Variants in ULK2 observed in about 807,000 individuals in gnomAD.
The protein encoded by ULK2 is serine/threonine-protein kinase ULK2.
In ULK2, 76 loss-of-function variants were observed where a neutral mutation model predicts 127.5. The ratio of observed to expected loss-of-function variants is 0.60; its 90% CI spans 0.50 to 0.72. The LOEUF (loss-of-function observed/expected upper bound fraction) is 0.72, where lower values mean the gene tolerates loss of function less well. Ranked by LOEUF, ULK2 falls within the 30% of genes least tolerant of loss-of-function variation. The probability of loss-of-function intolerance (pLI) is 0.00; values close to 1 mark genes in which losing one functional copy is unlikely to be tolerated. For synonymous variants in ULK2, 452 were observed against 461.9 expected (o/e 0.98, Z 0.28); for missense variants, 1,144 against 1,295.9 (o/e 0.88, Z 1.80).
chr17:19,781,267 A>T, intron 23 of ULK2, among the ~76,000 whole-genome samples, 163 bp from the exon 24 acceptor site: 1 of 131,792 alleles, frequency 7.6e-6, no homozygotes. Context: ...TTTTTGACAG[A>T]GTCTTGCTCT....
Position 19,804,439 on chromosome 17 carries a change from T to A in ULK2, c.1295+254A>T, listed in dbSNP as rs573937040. On this transcript the variant is annotated intron_variant, in intron 15 of 26. Transcript: ENST00000395544. ...AAAGTAATTATACATTTTAAGTATATATGTCTATACACATGTATACTTAAC... is the reference window on the plus strand; with the variant it reads ...AAAGTAATTATACATTTTAAGTATAAATGTCTATACACATGTATACTTAAC... Among the ~76,000 whole-genome samples the A allele has an allele frequency of 1.1e-4, 17 of 151,946 alleles. 1 individual carries two copies. Among genetic ancestry groups the A allele is most frequent in the Admixed American group, 1.1e-3 (17 of 15,248 alleles).
intron 3 of ULK2, among the ~76,000 whole-genome samples, chr17:19,855,499 C>T (rs556968222): frequency 6.7e-6 from 1 of 148,984 alleles, no homozygotes; most frequent in Non-Finnish European, 1.5e-5. Flanking sequence ...ACTGGGTAAG[C>T]TAAGGCAGGA....
intron 3 of ULK2, 35 bp downstream of exon 3, chr17:19,864,768 T>A (rs533634383): frequency 8.4e-4 from 858 of 1,016,982 alleles, no homozygotes; most frequent in Non-Finnish European, 9.9e-4. Context: ...AAAAAAAATT[T>A]ATTTTAATTT....
rs2086793694 is a variant in ULK2 at position 19,775,230 on chromosome 17, C to T, written c.*1119G>A. ...AACTGCCTGCATTCTCCATGACTAG[C>T]TATTTGGTGAACTGTCAGAATTAAC... On this transcript the variant is annotated 3_prime_UTR_variant, in exon 27 of 27. Transcript: ENST00000395544. 1 of 152,626 alleles carries T rather than the reference C, an allele frequency of 6.6e-6. No homozygotes were observed. Among genetic ancestry groups the T allele is most frequent in the Non-Finnish European group, 1.5e-5 (1 of 68,046 alleles). 9.5% of individuals were successfully genotyped at this position (152,626 alleles called of 1,614,324 possible). A position where few individuals can be genotyped will look rare whatever the true frequency, so the allele number is the denominator to read the frequency against.
chr17:19,784,114 G>C, intron 21 of ULK2: 1 of 400,486 alleles, frequency 2.5e-6, no homozygotes. Context: ...TTTTATATTA[G>C]ACATCATCAG....
At chr17:19,800,172 G>A (rs2087366938) in intron 16 of ULK2, among the ~76,000 whole-genome samples, 1 of 152,142 alleles carries the variant, frequency 6.6e-6, no homozygotes. Flanking sequence ...CCAGGTGTTG[G>A]ACCTATGTCT....
At chr17:19,817,519 T>C (rs1276962267) in intron 12 of ULK2, among the ~76,000 whole-genome samples, 1 of 152,192 alleles carries the variant, frequency 6.6e-6, no homozygotes. Flanking sequence ...GGGGTAGTAG[T>C]TGATTTGTTA....
chr17:19,804,882 TCTTTC>T, intron 14 of ULK2, 52 bp from the exon 15 acceptor site: 2 of 1,592,434 alleles, frequency 1.3e-6, no homozygotes, highest in Non-Finnish European at 1.7e-6. Context: ...GGATTGTTTT[TCTTTC>T]ATTTGACCCA....
intron 9 of ULK2, chr17:19,840,063 G>A (rs566638630): frequency 3.0e-6 from 1 of 328,926 alleles, no homozygotes; most frequent in South Asian, 2.6e-5. Context: ...GTACATCTAT[G>A]GGACTCTCTG....
intron 12 of ULK2, among the ~76,000 whole-genome samples, chr17:19,821,034 A>T (rs2041129292): frequency 6.6e-6 from 1 of 152,150 alleles, no homozygotes; most frequent in East Asian, 1.9e-4. Flanking sequence ...AGGCCAGGCG[A>T]GGAGGCTCAC....
chr17:19,838,637 A>AT, intron 9 of ULK2, 54 bp from the exon 10 acceptor site: 1 of 1,481,210 alleles, frequency 6.8e-7, no homozygotes. Context: ...ATACATAAAC[A>AT]TTAACTTTTG....
intron 3 of ULK2, among the ~76,000 whole-genome samples, chr17:19,856,816 A>T (rs9910229): frequency 4.0e-5 from 6 of 150,742 alleles, no homozygotes; most frequent in African/African-American, 1.5e-4. Context: ...ACTAAAAAAT[A>T]CAAAAACAAA....
At chr17:19,804,210 C>T (rs1304751254) in intron 15 of ULK2, among the ~76,000 whole-genome samples, 1 of 148,032 alleles carries the variant, frequency 6.8e-6, no homozygotes, top group Admixed American at 6.9e-5. Context: ...TAGTGAGACC[C>T]CGTCTCTAAA....
At chr17:19,788,315 C>A (rs2087079045) in intron 20 of ULK2, among the ~76,000 whole-genome samples, 2 of 151,676 alleles carry the variant, frequency 1.3e-5, no homozygotes. Context: ...CTCCTTCCTT[C>A]TGCTTGAGGA....
chr17:19,860,262 G>A (rs1567731064), intron 3 of ULK2, among the ~76,000 whole-genome samples: 1 of 152,092 alleles, frequency 6.6e-6, no homozygotes, highest in African/African-American at 2.4e-5. Flanking sequence ...GAATTAGTGG[G>A]AAAATGCATT....
chr17:19,867,076 A>G (rs1423799448), intron 1 of ULK2, among the ~76,000 whole-genome samples: 2 of 152,138 alleles, frequency 1.3e-5, no homozygotes, highest in African/African-American at 4.8e-5. Flanking sequence ...CTGCGGGCGG[A>G]CCGCGGGGTG....
intron 3 of ULK2, among the ~76,000 whole-genome samples, chr17:19,853,530 A>G (rs2042062022): frequency 6.6e-6 from 1 of 151,230 alleles, no homozygotes; most frequent in South Asian, 2.1e-4. Context: ...GGTTTATCTC[A>G]CAGGAAAAGA....
chr17:19,827,361 T>C (rs565420774), intron 10 of ULK2, among the ~76,000 whole-genome samples: 1 of 152,320 alleles, frequency 6.6e-6, no homozygotes, highest in Non-Finnish European at 1.5e-5. Context: ...GGTGAGGGAC[T>C]AGAATTCAAA....
In ULK2 at chr17:19,774,250, G is replaced by T. The variant is rs752981980; in HGVS notation, c.*2099C>A. Reference sequence around the variant, plus strand: ...AAGTATAACCAGAACCATTATTCATGAATTTACATTTTGTTCTTTTCTGCT... The same window carrying T: ...AAGTATAACCAGAACCATTATTCATTAATTTACATTTTGTTCTTTTCTGCT... On this transcript the variant is annotated 3_prime_UTR_variant, in exon 27 of 27. Transcript: ENST00000395544. The T allele has an allele frequency of 6.6e-6, 1 of 152,616 alleles. No individual in the cohort carries two copies. The highest frequency in any genetic ancestry group is 2.4e-5 in the African/African-American group (1 of 41,454). The allele number at this position is 152,616 out of a possible 1,614,324, so 9.5% of individuals were successfully genotyped here.
Sources: allele counts gnomAD v4.1 joint callset (sites outside exome capture counted in the v4.1 genomes callset), GRCh38; gene constraint gnomAD v4.1.1; transcripts MANE v1.5; gene names NCBI Gene and HGNC (gene_info 2026-07-23, HGNC 2026-07-21).